Variants in COL8A1 observed in about 807,000 individuals in gnomAD.
COL8A1 encodes the protein collagen type VIII alpha 1 chain, also known as collagen alpha-1(VIII) chain.
Under a neutral mutation model 42.7 loss-of-function variants are expected in COL8A1, and 21 were observed. The observed-to-expected ratio is 0.49, with a 90% CI of 0.35 to 0.71. The LOEUF is 0.71. Ranked by LOEUF, COL8A1 falls within the 30% of genes least tolerant of loss-of-function variation. The probability of loss-of-function intolerance (pLI) is 0.01; values close to 1 mark genes in which losing one functional copy is unlikely to be tolerated. For synonymous variants in COL8A1, 367 were observed against 369.1 expected (o/e 0.99, Z 0.06); for missense variants, 788 against 962.4 (o/e 0.82, Z 2.40).
At chr3:99,737,134 G>A (rs748631239) in intron 1 of COL8A1, among the ~76,000 whole-genome samples, 17 of 152,244 alleles carry the variant, frequency 1.1e-4, no homozygotes, top group East Asian at 7.7e-4. Context: ...GTCTCTGCAC[G>A]TGAGATGGGT....
At chr3:99,785,095 T>C (rs1247717341) in intron 2 of COL8A1, among the ~76,000 whole-genome samples, 1 of 152,198 alleles carries the variant, frequency 6.6e-6, no homozygotes, top group Non-Finnish European at 1.5e-5. Flanking sequence ...CACCTCCATA[T>C]GTGAATCAAG....
At chr3:99,666,941 A>G (rs902794188) in intron 1 of COL8A1, among the ~76,000 whole-genome samples, 1 of 152,122 alleles carries the variant, frequency 6.6e-6, no homozygotes, top group African/African-American at 2.4e-5. Context: ...TTTATTGTCC[A>G]TTTATTATTT....
chr3:99,739,045 C>T (rs532602602), intron 1 of COL8A1, among the ~76,000 whole-genome samples: 83 of 152,146 alleles, frequency 5.5e-4, no homozygotes, highest in African/African-American at 1.5e-3. Context: ...TGACCCCTTG[C>T]GCTTCCCAAG....
intron 1 of COL8A1, among the ~76,000 whole-genome samples, chr3:99,727,077 C>G (rs1325662928): frequency 6.6e-6 from 1 of 152,104 alleles, no homozygotes; most frequent in Non-Finnish European, 1.5e-5. Flanking sequence ...TTTGTATCCT[C>G]TTTTATTTCA....
intron 1 of COL8A1, among the ~76,000 whole-genome samples, chr3:99,644,649 T>C (rs1331095029): frequency 1.3e-5 from 2 of 152,242 alleles, no homozygotes; most frequent in African/African-American, 4.8e-5. Flanking sequence ...AGCATCACTG[T>C]GAAAACATTC....
Position 99,774,215 on chromosome 3 carries a change from C to T in COL8A1, c.-3-16465C>T, listed in dbSNP as rs185634287. ...GATGCTATTTGATTGTGTTAGAAGC[C>T]GGAACAAGTAGAACCCAGCAGTAAG... On this transcript the variant is annotated intron_variant, in intron 2 of 3. Coordinates refer to ENST00000652472, the MANE Select transcript of COL8A1 (RefSeq NM_020351.4). Among the ~76,000 whole-genome samples, 812 of 149,710 alleles carry T rather than the reference C, an allele frequency of 5.4e-3. 9 individuals are homozygous for T. Among genetic ancestry groups the T allele is most frequent in the African/African-American group, 0.019 (768 of 40,556 alleles).
At chr3:99,773,491 T>G (rs897736583) in intron 2 of COL8A1, among the ~76,000 whole-genome samples, 8 of 152,176 alleles carry the variant, frequency 5.3e-5, no homozygotes, top group Non-Finnish European at 1.0e-4. Flanking sequence ...CAGCTGCTAT[T>G]ATTTCTATTC....
intron 1 of COL8A1, among the ~76,000 whole-genome samples, chr3:99,710,929 A>G (rs1203269432): frequency 6.6e-6 from 1 of 152,028 alleles, no homozygotes; most frequent in Non-Finnish European, 1.5e-5. Flanking sequence ...TATATACTTT[A>G]TTTTCTTGAT....
At chr3:99,676,314 A>G (rs1407809617) in intron 1 of COL8A1, among the ~76,000 whole-genome samples, 2 of 152,148 alleles carry the variant, frequency 1.3e-5, no homozygotes, top group Non-Finnish European at 1.5e-5. Flanking sequence ...TTTTCCTCTT[A>G]TTTATTAGCA....
chr3:99,736,050 T>C (rs1441861798), intron 1 of COL8A1, among the ~76,000 whole-genome samples: 2 of 152,050 alleles, frequency 1.3e-5, no homozygotes, highest in African/African-American at 4.8e-5. Flanking sequence ...CTTTTTTTCT[T>C]TATTAGTCTT....
At chr3:99,773,815 G>GTGTATATATATA (rs1403823634) in intron 2 of COL8A1, among the ~76,000 whole-genome samples, 21 of 35,906 alleles carry the variant, frequency 5.8e-4, no homozygotes, top group Admixed American at 1.3e-3. Context: ...ATATATGTGT[G>GTGTATATATATA]TATATATATA....
At chr3:99,638,782 C>T (rs1937446105) in intron 1 of COL8A1, 118 bp downstream of exon 1, 1 of 152,182 alleles carries the variant, frequency 6.6e-6, no homozygotes, top group Non-Finnish European at 1.5e-5. Flanking sequence ...ATGCGCGATC[C>T]GCTGCTCCTT....
Position 99,794,597 on chromosome 3 carries a change from A to G in COL8A1, c.696A>G (p.Gly232=). The G allele has an allele frequency of 6.2e-7, 1 of 1,613,322 alleles. No individual in the cohort carries two copies. The highest frequency in any genetic ancestry group is 2.2e-5 in the East Asian group (1 of 44,858). Residue 232 remains glycine, a synonymous_variant, in exon 4 of 4, where the codon GGA becomes GGG. Transcript: ENST00000652472. The surrounding 1 kb of genome is among the most constrained non-coding windows in gnomAD (Gnocchi z 4.3). ...ATCGAGGACCCAAAGGACTACCAGG[A>G]CCTCAAGGCCTTCGGGGTCCTAAAG... is the stretch of plus-strand genomic sequence containing the variant. ...KGDRGPKGLP[G]PQGLRGPKGD...
intron 1 of COL8A1, among the ~76,000 whole-genome samples, chr3:99,669,867 T>C (rs1237766091): frequency 6.6e-6 from 1 of 152,046 alleles, no homozygotes; most frequent in Non-Finnish European, 1.5e-5. Context: ...GGGGTGGGCT[T>C]GGGAGGAGAA....
intron 1 of COL8A1, among the ~76,000 whole-genome samples, chr3:99,729,263 C>T (rs1056292354): frequency 2.0e-5 from 3 of 151,980 alleles, no homozygotes; most frequent in African/African-American, 7.2e-5. Context: ...GTTGCTTTTT[C>T]TCAAATTTAC....
At chr3:99,642,207 AG>A (rs1937517137) in intron 1 of COL8A1, among the ~76,000 whole-genome samples, 2 of 152,190 alleles carry the variant, frequency 1.3e-5, no homozygotes, top group South Asian at 4.1e-4. Context: ...AACAGAGAAA[AG>A]CTGCTAATGA....
chr3:99,744,522 A>G (rs560806224), intron 1 of COL8A1, among the ~76,000 whole-genome samples: 216 of 152,364 alleles, frequency 1.4e-3, no homozygotes, highest in Admixed American at 2.4e-3. Flanking sequence ...AATTGACAGG[A>G]AATGTATTGT....
intron 1 of COL8A1, among the ~76,000 whole-genome samples, chr3:99,711,244 A>G (rs1316800373): frequency 6.6e-6 from 1 of 152,172 alleles, no homozygotes; most frequent in Non-Finnish European, 1.5e-5. Flanking sequence ...TCAGACTTGA[A>G]GAAACAACAA....
intron 1 of COL8A1, among the ~76,000 whole-genome samples, chr3:99,653,076 T>C (rs1328098219): frequency 6.6e-6 from 1 of 152,194 alleles, no homozygotes; most frequent in Admixed American, 6.5e-5. Context: ...TCAGGATTGA[T>C]GTGAAAGTTA....
Sources: gnomAD v4.1 joint callset for allele counts (sites outside exome capture counted in the v4.1 genomes callset) on GRCh38, gnomAD v4.1.1 for gene constraint, Gnocchi (gnomAD v3.1) non-coding constraint, MANE v1.5 for transcripts, NCBI Gene and HGNC (gene_info 2026-07-23, HGNC 2026-07-21) for gene names.